ZNF236: variants seen among roughly 807,000 people sequenced by gnomAD.
ZNF236 encodes the protein regulated by glucose.
Under a neutral mutation model 191.2 loss-of-function variants are expected in ZNF236, and 50 were observed. That is an observed-to-expected ratio of 0.26 (90% CI 0.21 to 0.33). The LOEUF (loss-of-function observed/expected upper bound fraction) is 0.33, where lower values mean the gene tolerates loss of function less well. Ranked by LOEUF, ZNF236 falls within the 10% of genes least tolerant of loss-of-function variation. ZNF236 has a pLI of 1.00. For synonymous variants in ZNF236, 907 were observed against 928.8 expected (o/e 0.98, Z 0.43); for missense variants, 1,754 against 2,374.5 (o/e 0.74, Z 5.43).
Position 76,875,778 on chromosome 18 carries a change from T to C in ZNF236, c.840+114T>C. The C allele has an allele frequency of 8.5e-7, 1 of 1,178,540 alleles. No homozygotes were observed. Among genetic ancestry groups the C allele is most frequent in the Non-Finnish European group, 1.1e-6 (1 of 909,676 alleles). The allele number at this position is 1,178,540 out of a possible 1,614,324, so 73.0% of individuals were successfully genotyped here. The stretch of plus-strand genomic sequence containing the variant: ...CATTTAAAAAAATGCAGATTGATTT[T>C]GTGCCGAGCAGACCCTGTTTTAAAA... On this transcript the variant is annotated intron_variant, in intron 6 of 30. Transcript: ENST00000320610. This position sits in a 1 kb window ranked among gnomAD's most constrained non-coding sequence, Gnocchi z 4.3.
At chr18:76,867,227 G>GTTTT (rs11386653) in intron 3 of ZNF236, among the ~76,000 whole-genome samples, 49 of 144,022 alleles carry the variant, frequency 3.4e-4, no homozygotes, top group African/African-American at 1.1e-3. Context: ...GACTGCAGAG[G>GTTTT]TTTTTTTTTT....
chr18:76,934,915 A>G (rs773620585), intron 25 of ZNF236, among the ~76,000 whole-genome samples: 30 of 152,252 alleles, frequency 2.0e-4, no homozygotes, highest in African/African-American at 5.8e-4. Flanking sequence ...ATTTAAGACA[A>G]TGTTGGGTTT....
intron 1 of ZNF236, among the ~76,000 whole-genome samples, chr18:76,844,638 G>A (rs929877952): frequency 1.3e-5 from 2 of 152,156 alleles, no homozygotes; most frequent in Non-Finnish European, 2.9e-5. Flanking sequence ...ATGGATAACT[G>A]AGATTTTAAA....
intron 21 of ZNF236, 59 bp downstream of exon 21, chr18:76,923,233 T>A: frequency 8.4e-7 from 1 of 1,195,804 alleles, no homozygotes; most frequent in Non-Finnish European, 1.2e-6. Context: ...TCGTATGTTT[T>A]GTTCCTATAT....
At chr18:76,836,872 C>T (rs994673559) in intron 1 of ZNF236, among the ~76,000 whole-genome samples, 6 of 151,492 alleles carry the variant, frequency 4.0e-5, no homozygotes, top group East Asian at 2.0e-4. Flanking sequence ...CCACCGCGCC[C>T]GGCCTATTTA....
At chr18:76,952,012 A>G (rs1968420912) in intron 27 of ZNF236, among the ~76,000 whole-genome samples, 1 of 152,228 alleles carries the variant, frequency 6.6e-6, no homozygotes, top group South Asian at 2.1e-4. Flanking sequence ...TGGTGCCTCA[A>G]CACAATTACA....
chr18:76,840,154 AG>A (rs1162020416), intron 1 of ZNF236, among the ~76,000 whole-genome samples: 2 of 152,232 alleles, frequency 1.3e-5, no homozygotes, highest in Non-Finnish European at 2.9e-5. Flanking sequence ...ACAAATTTAC[AG>A]GTAGTAAAGC....
At chr18:76,947,713 AGGGATGGTGGTAGAGGGTTAT>A in intron 27 of ZNF236, 61 bp downstream of exon 27, 1 of 1,573,918 alleles carries the variant, frequency 6.4e-7, no homozygotes, top group Non-Finnish European at 8.6e-7. Context: ...CAGATTCAGA[AGGGATGGTGGTAGAGGGTTAT>A]GGGCGTGCTG....
chr18:76,880,484 G>A lies in ZNF236; in HGVS notation c.1188+168G>A, dbSNP rs1976860056. 6.6e-6 allele frequency among the ~76,000 whole-genome samples: 1 copy of A among 151,820 alleles called. No individual in the cohort carries two copies. The highest frequency in any genetic ancestry group is 2.4e-5 in the African/African-American group (1 of 41,310). On this transcript the variant is annotated intron_variant, in intron 8 of 30. Coordinates refer to ENST00000320610, the MANE Select transcript of ZNF236 (RefSeq NM_001306089.2). The surrounding 1 kb of genome is among the most constrained non-coding windows in gnomAD (Gnocchi z 5.0). ...TATGCCTACTTAATTGCTTATGGAC[G>A]GCGCAACATTCAAATGATTTATTCA...
chr18:76,911,704 A>G (rs1361460918), intron 16 of ZNF236, among the ~76,000 whole-genome samples: 1 of 152,204 alleles, frequency 6.6e-6, no homozygotes, highest in African/African-American at 2.4e-5. Flanking sequence ...CAGTGTGAGC[A>G]TGGATCTATT....
intron 3 of ZNF236, among the ~76,000 whole-genome samples, chr18:76,862,534 C>T (rs573417261): frequency 6.6e-6 from 1 of 152,100 alleles, no homozygotes; most frequent in East Asian, 1.9e-4. Context: ...CCCCTCCCAG[C>T]GTGTTGGCAG....
intron 28 of ZNF236, among the ~76,000 whole-genome samples, chr18:76,958,619 C>T (rs1306790771): frequency 1.3e-5 from 2 of 152,184 alleles, no homozygotes; most frequent in Non-Finnish European, 2.9e-5. Context: ...TTACATCCAA[C>T]ACAGACCGGG....
intron 25 of ZNF236, among the ~76,000 whole-genome samples, chr18:76,935,681 G>A (rs372923633): frequency 6.6e-6 from 1 of 152,016 alleles, no homozygotes; most frequent in Non-Finnish European, 1.5e-5. Context: ...CTGCCCGCCC[G>A]CCCCAGTCTC....
In ZNF236 at chr18:76,959,880, C is replaced by T. The variant is rs558181158; in HGVS notation, c.5242+64C>T. ...GAAGTAGACATCATGGGTGAGAAAA[C>T]ATAATTCCACCTGTGCAATATTCAC... On this transcript the variant is annotated intron_variant, in intron 29 of 30. Transcript: ENST00000320610. 1,472 of 1,552,622 alleles carry T rather than the reference C, an allele frequency of 9.5e-4. 30 individuals are homozygous for T. The South Asian group carries it at 0.017, about 17-fold the overall frequency.
At chr18:76,822,790 G>T (rs1477701549) in intron 1 of ZNF236, 128 bp downstream of exon 1, 3 of 144,700 alleles carry the variant, frequency 2.1e-5, no homozygotes, top group Non-Finnish European at 4.6e-5. Context: ...GCGCAGACCC[G>T]GGCCGCCGCC....
intron 1 of ZNF236, among the ~76,000 whole-genome samples, chr18:76,830,736 T>C (rs927302751): frequency 6.6e-6 from 1 of 152,328 alleles, no homozygotes; most frequent in African/African-American, 2.4e-5. Context: ...ATGTGGACTG[T>C]GGATTGGACA....
At chr18:76,956,330 T>C in intron 28 of ZNF236, 148 bp downstream of exon 28, 1 of 912,288 alleles carries the variant, frequency 1.1e-6, no homozygotes, top group Non-Finnish European at 1.7e-6. Flanking sequence ...GTAGATGTAT[T>C]GTTCCGGTTG....
intron 3 of ZNF236, among the ~76,000 whole-genome samples, chr18:76,860,678 T>C (rs897677030): frequency 3.3e-5 from 5 of 152,230 alleles, no homozygotes; most frequent in Non-Finnish European, 7.3e-5. Context: ...TCAGTTCTGT[T>C]TGTAAAACTC....
chr18:76,921,708 G>A (rs1967539615), intron 20 of ZNF236, among the ~76,000 whole-genome samples: 1 of 146,538 alleles, frequency 6.8e-6, no homozygotes, highest in African/African-American at 2.5e-5. Flanking sequence ...TCCATCGACT[G>A]TACCTGAAGA....
Sources: allele counts gnomAD v4.1 joint callset (sites outside exome capture counted in the v4.1 genomes callset), GRCh38; gene constraint gnomAD v4.1.1; non-coding constraint Gnocchi (gnomAD v3.1); transcripts MANE v1.5; gene names NCBI Gene and HGNC (gene_info 2026-07-23, HGNC 2026-07-21).